Variants in FILIP1L observed in about 807,000 individuals in gnomAD.
FILIP1L encodes filamin A interacting protein 1 like, also known as filamin A-interacting protein 1-like.
In FILIP1L, 55 loss-of-function variants were observed where a neutral mutation model predicts 96.6. That is an observed-to-expected ratio of 0.57 (90% CI 0.46 to 0.71). FILIP1L has a LOEUF of 0.71. Among genes scored for constraint, FILIP1L ranks in the 30% least tolerant of loss-of-function variants. The pLI, the probability that FILIP1L is intolerant of heterozygous loss-of-function variation, is 0.00. For synonymous variants in FILIP1L, 467 were observed against 473.9 expected (o/e 0.99, Z 0.19); for missense variants, 1,304 against 1,321.2 (o/e 0.99, Z 0.20).
chr3:99,881,537 CT>C (rs767566245), intron 4 of FILIP1L, among the ~76,000 whole-genome samples: 231 of 144,686 alleles, frequency 1.6e-3, no homozygotes, highest in South Asian at 5.3e-3. Context: ...CTCTCTCTCT[CT>C]TTTTTTTTTT....
chr3:99,844,466 C>T (rs1943274147), intron 5 of FILIP1L, among the ~76,000 whole-genome samples: 1 of 152,110 alleles, frequency 6.6e-6, no homozygotes, highest in Non-Finnish European at 1.5e-5. Context: ...TAGGAAAAAG[C>T]TAGAGTGTTG....
intron 1 of FILIP1L, among the ~76,000 whole-genome samples, chr3:99,952,360 T>C (rs1305126996): frequency 1.3e-5 from 2 of 152,190 alleles, no homozygotes; most frequent in African/African-American, 4.8e-5. Context: ...AACATTTTCC[T>C]CAGCTGTTCT....
At chr3:99,943,822 T>A (rs1707925180) in intron 1 of FILIP1L, among the ~76,000 whole-genome samples, 1 of 152,206 alleles carries the variant, frequency 6.6e-6, no homozygotes, top group African/African-American at 2.4e-5. Flanking sequence ...GCATAGGCTC[T>A]GGAGTCGGCC....
In FILIP1L at chr3:99,850,260, T is replaced by C. The variant is rs1479116078; in HGVS notation, c.1416A>G (p.Leu472=). 1.2e-6 allele frequency: 2 copies of C among 1,613,796 alleles called. No individual in the cohort carries two copies. Among genetic ancestry groups the C allele is most frequent in the African/African-American group, 2.7e-5 (2 of 74,940 alleles). ...TTTCTAGCCGACTTTCAATGGCTTCTAGCTCTTTGATCCTTACTTTTAAAC... is the reference window on the plus strand; with the variant it reads ...TTTCTAGCCGACTTTCAATGGCTTCCAGCTCTTTGATCCTTACTTTTAAAC... ...LESLKVRIKE[L]EAIESRLEKT... The change falls in exon 5 of 6, where the codon CTA becomes CTG. Residue 472 remains leucine, a synonymous_variant. Coordinates refer to ENST00000477258, the MANE Select transcript of FILIP1L (RefSeq NM_001387850.1).
At chr3:100,075,261 G>A (rs1292893253) in intron 1 of FILIP1L, among the ~76,000 whole-genome samples, 1 of 152,116 alleles carries the variant, frequency 6.6e-6, no homozygotes, top group Non-Finnish European at 1.5e-5. Context: ...TCAAATAATG[G>A]ACTTCTAATG....
At chr3:99,985,350 G>C (rs1454339357) in intron 1 of FILIP1L, among the ~76,000 whole-genome samples, 2 of 151,954 alleles carry the variant, frequency 1.3e-5, no homozygotes, top group Admixed American at 1.3e-4. Context: ...CGAACAACAT[G>C]GCGAAACCTC....
intron 4 of FILIP1L, among the ~76,000 whole-genome samples, chr3:99,853,171 G>A (rs1053296624): frequency 2.6e-5 from 4 of 152,178 alleles, no homozygotes; most frequent in African/African-American, 9.7e-5. Context: ...GAGTCCATGG[G>A]TAAACTGCTT....
chr3:100,016,151 G>C (rs1242046012), intron 1 of FILIP1L, among the ~76,000 whole-genome samples: 1 of 152,114 alleles, frequency 6.6e-6, no homozygotes, highest in African/African-American at 2.4e-5. Flanking sequence ...CTCCTAGACA[G>C]TTTCTGAGTG....
intron 1 of FILIP1L, chr3:100,023,315 ACAGAGC>A (rs2107236361): frequency 6.5e-6 from 1 of 152,740 alleles, no homozygotes; most frequent in South Asian, 2.1e-4. Context: ...TTTTATGCAA[ACAGAGC>A]CTGGCTCTCA....
chr3:99,937,106 T>C (rs995126311), intron 1 of FILIP1L, among the ~76,000 whole-genome samples: 2 of 151,990 alleles, frequency 1.3e-5, no homozygotes, highest in African/African-American at 4.8e-5. Flanking sequence ...TGGCTAATTT[T>C]TTTGTATTTT....
chr3:99,964,670 A>G (rs965101326), intron 1 of FILIP1L, among the ~76,000 whole-genome samples: 4 of 152,112 alleles, frequency 2.6e-5, no homozygotes, highest in Non-Finnish European at 5.9e-5. Flanking sequence ...CTGTTTCTCA[A>G]TATGGCTCAC....
chr3:100,080,170 A>C (rs1328602999), intron 1 of FILIP1L, among the ~76,000 whole-genome samples: 1 of 152,040 alleles, frequency 6.6e-6, no homozygotes, highest in Non-Finnish European at 1.5e-5. Context: ...TTTAATAGAG[A>C]CGGGGATCTC....
intron 1 of FILIP1L, among the ~76,000 whole-genome samples, chr3:100,078,595 A>C (rs74710453): frequency 7.1e-6 from 1 of 141,738 alleles, no homozygotes; most frequent in Non-Finnish European, 1.6e-5. Flanking sequence ...TGAGGTAAAG[A>C]AAAAAAAAAT....
chr3:100,091,568 G>A (rs2107435627), intron 1 of FILIP1L, among the ~76,000 whole-genome samples: 1 of 152,218 alleles, frequency 6.6e-6, no homozygotes, highest in East Asian at 1.9e-4. Flanking sequence ...GTCACCAAAA[G>A]TGTAGCCATG....
chr3:100,033,278 A>G (rs949057385), intron 1 of FILIP1L, among the ~76,000 whole-genome samples: 2 of 152,132 alleles, frequency 1.3e-5, no homozygotes, highest in African/African-American at 2.4e-5. Flanking sequence ...GCATCCTTGA[A>G]CTATTCACTG....
chr3:100,041,527 T>C (rs1479398080), intron 1 of FILIP1L: 1 of 152,138 alleles, frequency 6.6e-6, no homozygotes, highest in Non-Finnish European at 1.5e-5. Flanking sequence ...GAATGTGAGG[T>C]CAAATTTTCC....
intron 1 of FILIP1L, among the ~76,000 whole-genome samples, chr3:100,076,964 A>C (rs984167251): frequency 6.6e-6 from 1 of 152,218 alleles, no homozygotes; most frequent in African/African-American, 2.4e-5. Context: ...CTCTTCCCAG[A>C]AGACCCTTTA....
chr3:100,074,149 C>T (rs371219565), intron 1 of FILIP1L, among the ~76,000 whole-genome samples: 6 of 152,086 alleles, frequency 3.9e-5, no homozygotes, highest in African/African-American at 7.2e-5. Context: ...AGAGCTGATA[C>T]GCTGTTGTCA....
intron 1 of FILIP1L, among the ~76,000 whole-genome samples, chr3:100,102,970 G>A (rs1428023002): frequency 6.6e-6 from 1 of 152,230 alleles, no homozygotes; most frequent in Admixed American, 6.5e-5. Flanking sequence ...AAAAAGCAAT[G>A]TAATGCCCTC....
Sources: gnomAD v4.1 joint callset for allele counts (sites outside exome capture counted in the v4.1 genomes callset) on GRCh38, gnomAD v4.1.1 for gene constraint, MANE v1.5 for transcripts, NCBI Gene and HGNC (gene_info 2026-07-23, HGNC 2026-07-21) for gene names.